The following GRM8 variants were observed in gnomAD, a reference collection of about 807,000 sequenced individuals.
GRM8 encodes the protein glutamate metabotropic receptor 8, also known as metabotropic glutamate receptor 8.
A neutral mutation model predicts 87.2 loss-of-function variants in GRM8; 47 were observed. The ratio of observed to expected loss-of-function variants is 0.54; its 90% CI spans 0.43 to 0.69. The LOEUF (loss-of-function observed/expected upper bound fraction) is 0.69, where lower values mean the gene tolerates loss of function less well. GRM8 is among the 30% of genes least tolerant of loss of function. GRM8 has a pLI of 0.00. For missense variants in GRM8, 1,019 were observed against 1,139.2 expected (o/e 0.89, Z 1.52); for synonymous variants, 396 against 404.5 (o/e 0.98, Z 0.25).
chr7:127,229,409 CT>C (rs1225176323), intron 2 of GRM8: 1 of 152,138 alleles, frequency 6.6e-6, no homozygotes, highest in Non-Finnish European at 1.5e-5. Flanking sequence ...AAGGTTTTAC[CT>C]GTAAATATTA....
At chr7:126,558,749 C>G (rs1219515388) in intron 8 of GRM8, among the ~76,000 whole-genome samples, 3 of 152,104 alleles carry the variant, frequency 2.0e-5, no homozygotes, top group Non-Finnish European at 4.4e-5. Context: ...CTGTGGTTGA[C>G]TGAATCCACA....
intron 3 of GRM8, among the ~76,000 whole-genome samples, chr7:127,006,974 T>A (rs1814383107): frequency 1.3e-5 from 2 of 152,004 alleles, no homozygotes; most frequent in Non-Finnish European, 2.9e-5. Flanking sequence ...AGTAACAGTC[T>A]TTTATTTTAC....
At chr7:127,072,540 C>G (rs1821803659) in intron 3 of GRM8, among the ~76,000 whole-genome samples, 2 of 151,980 alleles carry the variant, frequency 1.3e-5, no homozygotes, top group South Asian at 4.1e-4. Flanking sequence ...ATCATTTGTT[C>G]TCAAACTTAT....
chr7:126,686,079 A>C (rs1484144427), intron 7 of GRM8, among the ~76,000 whole-genome samples: 1 of 151,326 alleles, frequency 6.6e-6, no homozygotes, highest in Non-Finnish European at 1.5e-5. Context: ...TGCCCACCCC[A>C]GGGTCTCCTC....
intron 7 of GRM8, among the ~76,000 whole-genome samples, chr7:126,758,544 G>T (rs1009486649): frequency 2.0e-5 from 3 of 151,944 alleles, no homozygotes; most frequent in Non-Finnish European, 4.4e-5. Context: ...GAGAGAAAAA[G>T]AATTTTAAGA....
At chr7:126,470,821 T>G (rs561134409) in intron 9 of GRM8, among the ~76,000 whole-genome samples, 1 of 152,162 alleles carries the variant, frequency 6.6e-6, no homozygotes, top group African/African-American at 2.4e-5. Context: ...TGTAAAAGTG[T>G]TCCTATTTCT....
At chr7:126,909,124 T>C (rs1443979707) in intron 3 of GRM8, among the ~76,000 whole-genome samples, 3 of 152,110 alleles carry the variant, frequency 2.0e-5, no homozygotes, top group Non-Finnish European at 4.4e-5. Flanking sequence ...TATGTACACA[T>C]AAGAAATGTC....
chr7:127,006,172 T>A (rs1330982242), intron 3 of GRM8, among the ~76,000 whole-genome samples: 1 of 151,920 alleles, frequency 6.6e-6, no homozygotes, highest in Non-Finnish European at 1.5e-5. Context: ...ATTCACTTCA[T>A]TTTTCCTCCT....
chr7:126,873,729 C>A (rs553663751), intron 6 of GRM8, among the ~76,000 whole-genome samples: 1 of 152,176 alleles, frequency 6.6e-6, no homozygotes, highest in East Asian at 1.9e-4. Context: ...CTAGAGTTTT[C>A]TTTGTCTTGA....
At chr7:126,702,408 C>T (rs1585585994) in intron 7 of GRM8, among the ~76,000 whole-genome samples, 3 of 152,292 alleles carry the variant, frequency 2.0e-5, no homozygotes, top group Admixed American at 6.5e-5. Flanking sequence ...TTCATATCCT[C>T]CTCCGCAGCT....
chr7:126,446,798 G>A (rs1423163629), intron 9 of GRM8, among the ~76,000 whole-genome samples: 1 of 151,876 alleles, frequency 6.6e-6, no homozygotes, highest in African/African-American at 2.4e-5. Flanking sequence ...AAAATAGAGT[G>A]GGAGTGCAAC....
At chr7:126,828,941 G>T (rs1795083246) in intron 6 of GRM8, among the ~76,000 whole-genome samples, 1 of 152,020 alleles carries the variant, frequency 6.6e-6, no homozygotes. Flanking sequence ...CTTTATTTCT[G>T]CCTTCATTTC....
At position 127,081,071 on chromosome 7, in the gene GRM8, C is replaced by T. The variant is rs17875026; in HGVS notation, c.727+25425G>A. Reference sequence around the variant, plus strand: ...CAGCGATATTTAAGGGAGAAGATTTCGGTGTCAGAGAATATAGAAATGAGA... The same window carrying T: ...CAGCGATATTTAAGGGAGAAGATTTTGGTGTCAGAGAATATAGAAATGAGA... On this transcript the variant is annotated intron_variant, in intron 3 of 10. Transcript: ENST00000339582. Among the ~76,000 whole-genome samples the T allele has an allele frequency of 2.7e-4, 41 of 152,228 alleles. 1 individual carries two copies. The East Asian group carries it at 6.2e-3, about 23-fold the overall frequency.
At chr7:126,490,959 C>T (rs952585247) in intron 9 of GRM8, among the ~76,000 whole-genome samples, 4 of 152,018 alleles carry the variant, frequency 2.6e-5, no homozygotes, top group East Asian at 1.9e-4. Flanking sequence ...GTATTATTTT[C>T]GAACCATTCA....
chr7:127,075,220 G>A (rs889733882), intron 3 of GRM8, among the ~76,000 whole-genome samples: 3 of 152,174 alleles, frequency 2.0e-5, no homozygotes, highest in African/African-American at 7.2e-5. Flanking sequence ...GGTTCACCAG[G>A]TGAGGCTTTA....
chr7:126,918,898 G>A (rs746448364), intron 3 of GRM8, among the ~76,000 whole-genome samples: 6 of 152,036 alleles, frequency 3.9e-5, no homozygotes, highest in African/African-American at 1.2e-4. Context: ...AATGAAAACC[G>A]ATCAGAACTG....
chr7:126,572,797 G>T (rs956604702), intron 8 of GRM8, among the ~76,000 whole-genome samples: 10 of 152,134 alleles, frequency 6.6e-5, no homozygotes, highest in African/African-American at 2.4e-4. Context: ...AAAGAGGGTA[G>T]TTTCATGGTA....
At chr7:126,806,729 C>A (rs1368306754) in intron 6 of GRM8, among the ~76,000 whole-genome samples, 1 of 152,240 alleles carries the variant, frequency 6.6e-6, no homozygotes, top group African/African-American at 2.4e-5. Context: ...ACCTAGCCAG[C>A]CACTCTGGCA....
chr7:127,005,681 CA>C (rs1220238380), intron 3 of GRM8, among the ~76,000 whole-genome samples: 1 of 151,796 alleles, frequency 6.6e-6, no homozygotes, highest in African/African-American at 2.4e-5. Context: ...ACGACTACTC[CA>C]TGCACTAGCT....
Sources: allele counts gnomAD v4.1 joint callset (sites outside exome capture counted in the v4.1 genomes callset), GRCh38; gene constraint gnomAD v4.1.1; transcripts MANE v1.5; gene names NCBI Gene and HGNC (gene_info 2026-07-23, HGNC 2026-07-21).